The following TRMT11 variants were observed in gnomAD, a reference collection of about 807,000 sequenced individuals.
TRMT11 encodes tRNA methyltransferase 11, also known as tRNA (guanine(10)-N(2))-methyltransferase TRMT11.
TRMT11 carries 53 observed loss-of-function variants against 62.8 expected under a neutral mutation model. The ratio of observed to expected loss-of-function variants is 0.84; its 90% CI spans 0.68 to 1.06. The LOEUF is 1.06. TRMT11 is among the 50% of genes least tolerant of loss of function. The pLI, the probability that TRMT11 is intolerant of heterozygous loss-of-function variation, is 0.00. For synonymous variants in TRMT11, 188 were observed against 190.3 expected, an observed-to-expected ratio of 0.99 and a Z score of 0.10; for missense variants, 556 against 553.4, an observed-to-expected ratio of 1.00 and a Z score of -0.05.
the TRMT11 span, among the ~76,000 whole-genome samples, chr6:126,216,527 G>A: frequency 6.6e-6 from 1 of 152,058 alleles, no homozygotes; most frequent in African/African-American, 2.4e-5. Flanking sequence ...TGTGTTCAGA[G>A]AAGATTTTTC....
chr6:126,111,606 T>C (rs1583878207), intron 17 of TRMT11, among the ~76,000 whole-genome samples: 1 of 152,226 alleles, frequency 6.6e-6, no homozygotes, highest in East Asian at 1.9e-4. Flanking sequence ...ACAGAAATAA[T>C]AAACTGCAGG....
intron 8 of TRMT11, among the ~76,000 whole-genome samples, chr6:126,008,910 T>C (rs550660446): frequency 6.6e-6 from 1 of 152,042 alleles, no homozygotes; most frequent in East Asian, 1.9e-4. Flanking sequence ...AATTGTGATA[T>C]AATTTTACTT....
chr6:126,232,317 C>T, the TRMT11 span, among the ~76,000 whole-genome samples: 3 of 152,000 alleles, frequency 2.0e-5, no homozygotes, highest in Admixed American at 6.6e-5. Flanking sequence ...CTTACATTTT[C>T]TTTACTGAAA....
chr6:126,193,592 A>C (rs1271810541), intron 1 of TRMT11, among the ~76,000 whole-genome samples: 1 of 143,396 alleles, frequency 7.0e-6, no homozygotes, highest in Non-Finnish European at 1.5e-5. Context: ...TCCCAGGTTC[A>C]CGCCATTCTC....
In TRMT11 at chr6:126,012,262, A is replaced by AT. The variant is rs201229553; in HGVS notation, c.926-499dup. Among the ~76,000 whole-genome samples, 219 of 150,012 alleles carry AT rather than the reference A, an allele frequency of 1.5e-3. 2 individuals are homozygous for AT. Among genetic ancestry groups the AT allele is most frequent in the Admixed American group, 1.4e-3 (21 of 15,014 alleles). On this transcript the variant is annotated intron_variant, in intron 9 of 12. Transcript: ENST00000334379. ...CTCTGTGTTTACTTATATAAAATAC[A>AT]TTTTTTTTTTCCGATCAACTTGAGA... is the stretch of plus-strand genomic sequence containing the variant.
At chr6:126,107,812 C>T (rs767350640) in intron 17 of TRMT11, among the ~76,000 whole-genome samples, 1 of 152,136 alleles carries the variant, frequency 6.6e-6, no homozygotes, top group Non-Finnish European at 1.5e-5. Flanking sequence ...ATTTATTTCT[C>T]ATTGTCAGGT....
intron 17 of TRMT11, among the ~76,000 whole-genome samples, chr6:126,085,470 C>A (rs1246953520): frequency 6.6e-6 from 1 of 152,088 alleles, no homozygotes; most frequent in African/African-American, 2.4e-5. Flanking sequence ...CTGAACATAA[C>A]AAACATTAGA....
the TRMT11 span, among the ~76,000 whole-genome samples, chr6:126,209,948 A>C: frequency 1.3e-5 from 2 of 152,100 alleles, no homozygotes; most frequent in Non-Finnish European, 2.9e-5. Context: ...CTCACTCTAT[A>C]CTTTCTCTCT....
chr6:126,223,629 A>G, the TRMT11 span, among the ~76,000 whole-genome samples: 1,672 of 152,084 alleles, frequency 0.011, 28 homozygotes, highest in African/African-American at 0.036. Flanking sequence ...TCTAATGACT[A>G]TGTGTCTTGG....
the TRMT11 span, among the ~76,000 whole-genome samples, chr6:126,209,286 G>A: frequency 6.6e-6 from 1 of 152,066 alleles, no homozygotes; most frequent in South Asian, 2.1e-4. Context: ...AATAAAACAA[G>A]GAGGCTTTAC....
intron 21 of TRMT11, among the ~76,000 whole-genome samples, chr6:126,151,806 T>TTGTCTTTCTTTC (rs1554242197): frequency 6.9e-5 from 6 of 86,954 alleles, no homozygotes; most frequent in Non-Finnish European, 1.1e-4. Context: ...CCTCTCTGTC[T>TTGTCTTTCTTTC]TTTCTTTCTT....
At chr6:126,259,580 T>C in the TRMT11 span, among the ~76,000 whole-genome samples, 1 of 152,232 alleles carries the variant, frequency 6.6e-6, no homozygotes, top group African/African-American at 2.4e-5. Context: ...AGTGCTGCAA[T>C]GAACGTATGT....
chr6:126,209,690 C>T, the TRMT11 span, among the ~76,000 whole-genome samples: 18 of 151,962 alleles, frequency 1.2e-4, no homozygotes, highest in African/African-American at 3.1e-4. Context: ...CGCATGCCAC[C>T]GCACTCCAGC....
At chr6:125,991,730 T>A (rs1400269491) in intron 1 of TRMT11, among the ~76,000 whole-genome samples, 1 of 152,242 alleles carries the variant, frequency 6.6e-6, no homozygotes, top group East Asian at 1.9e-4. Flanking sequence ...AATGAATGGC[T>A]GCCTTTATGA....
At chr6:126,258,667 G>C in the TRMT11 span, among the ~76,000 whole-genome samples, 10 of 152,158 alleles carry the variant, frequency 6.6e-5, no homozygotes, top group Admixed American at 5.9e-4. Context: ...TTGGAGTATA[G>C]TTGTTCACAA....
intron 16 of TRMT11, among the ~76,000 whole-genome samples, chr6:126,048,895 G>T (rs1776134793): frequency 6.6e-6 from 1 of 152,166 alleles, no homozygotes; most frequent in South Asian, 2.1e-4. Context: ...CAGGCTTGCT[G>T]TTCCAGTGCA....
At chr6:126,168,975 A>G (rs1285139948) in intron 21 of TRMT11, among the ~76,000 whole-genome samples, 3 of 152,230 alleles carry the variant, frequency 2.0e-5, no homozygotes, top group African/African-American at 4.8e-5. Context: ...TGCAGGATCT[A>G]AAACAGAATT....
chr6:126,185,137 G>A (rs1300147419), intron 1 of TRMT11, among the ~76,000 whole-genome samples: 2 of 152,014 alleles, frequency 1.3e-5, no homozygotes, highest in Non-Finnish European at 2.9e-5. Flanking sequence ...GAGTAGGGGA[G>A]GTATTTGCAG....
chr6:126,272,180 T>C, the TRMT11 span, among the ~76,000 whole-genome samples: 1 of 152,192 alleles, frequency 6.6e-6, no homozygotes, highest in Admixed American at 6.6e-5. Context: ...TATATGGCGC[T>C]TGCATTGGAC....
Sources: allele counts gnomAD v4.1 joint callset (sites outside exome capture counted in the v4.1 genomes callset), GRCh38; gene constraint gnomAD v4.1.1; transcripts MANE v1.5; gene names NCBI Gene and HGNC (gene_info 2026-07-23, HGNC 2026-07-21).